RTTN: variants seen among roughly 807,000 people sequenced by gnomAD.
RTTN encodes the protein rotatin.
In RTTN, 182 loss-of-function variants were observed where a neutral mutation model predicts 269.2. The ratio of observed to expected loss-of-function variants is 0.68; its 90% CI spans 0.60 to 0.76. The LOEUF (loss-of-function observed/expected upper bound fraction) is 0.76. Ranked by LOEUF, RTTN falls within the 30% of genes least tolerant of loss-of-function variation. The pLI, the probability that RTTN is intolerant of heterozygous loss-of-function variation, is 0.00. For synonymous variants in RTTN, 1,006 were observed against 963.5 expected, an observed-to-expected ratio of 1.04 and a Z score of -0.82; for missense variants, 2,545 against 2,608.6, an observed-to-expected ratio of 0.98 and a Z score of 0.53.
At chr18:70,016,541 A>G (rs969251835) in intron 46 of RTTN, among the ~76,000 whole-genome samples, 1 of 152,118 alleles carries the variant, frequency 6.6e-6, no homozygotes, top group African/African-American at 2.4e-5. Context: ...TTTCACTAGA[A>G]CACATGTCTT....
chr18:70,022,581 C>G (rs1568253051), intron 44 of RTTN, among the ~76,000 whole-genome samples: 1 of 152,194 alleles, frequency 6.6e-6, no homozygotes, highest in Non-Finnish European at 1.5e-5. Flanking sequence ...TTTGGAAAAG[C>G]TGTCTCCTCT....
chr18:70,127,893 T>C lies in RTTN; in HGVS notation c.3144-152A>G, dbSNP rs966047776. On this transcript the variant is annotated intron_variant, in intron 24 of 48. Transcript: ENST00000640769. ...TACAGCCAGAAGAAAAACTGATACA[T>C]ATCTGTCAATATTAGGATTTTACAT... is the stretch of plus-strand genomic sequence containing the variant. 4.3e-6 allele frequency: 3 copies of C among 691,450 alleles called. No homozygotes were observed. In the African/African-American group the frequency reaches 5.4e-5, roughly 12 times the overall value. 42.8% of individuals were successfully genotyped at this position (691,450 alleles called of 1,614,324 possible). A position where few individuals can be genotyped will look rare whatever the true frequency, so the allele number is the denominator to read the frequency against.
chr18:70,033,135 G>A (rs1385029674), intron 40 of RTTN, among the ~76,000 whole-genome samples: 11 of 152,198 alleles, frequency 7.2e-5, no homozygotes, highest in Admixed American at 7.2e-4. Flanking sequence ...GTTTAAAAGT[G>A]TGTGGCATCT....
intron 14 of RTTN, among the ~76,000 whole-genome samples, chr18:70,153,637 C>T (rs1252266891): frequency 6.6e-6 from 1 of 152,208 alleles, no homozygotes; most frequent in Non-Finnish European, 1.5e-5. Flanking sequence ...CACGCTCCTA[C>T]ATTTAGGTAG....
chr18:70,142,217 G>C, intron 19 of RTTN, 71 bp downstream of exon 19: 1 of 999,846 alleles, frequency 1.0e-6, no homozygotes, highest in Non-Finnish European at 1.6e-6. Flanking sequence ...GCCAACTCCT[G>C]CCAGTACCAT....
intron 40 of RTTN, among the ~76,000 whole-genome samples, chr18:70,044,202 G>A (rs907071418): frequency 6.6e-6 from 1 of 152,086 alleles, no homozygotes; most frequent in South Asian, 2.1e-4. Context: ...AAATATATAA[G>A]CCTTCCTTTC....
rs140889407 is a variant in RTTN, at chr18:70,020,720, C to G, written c.6048G>C (p.Lys2016Asn). 3.1e-5 allele frequency: 50 copies of G among 1,613,982 alleles called. No homozygotes were observed. The highest frequency in any genetic ancestry group is 4.2e-5 in the Non-Finnish European group (49 of 1,179,964). Residue 2016 changes from lysine (K) to asparagine (N), a missense_variant, in exon 45 of 49, where the codon AAG (lysine) becomes AAC (asparagine). Lys to Asn is a moderately conservative substitution (Grantham distance 94). Coordinates refer to ENST00000640769, the MANE Select transcript of RTTN (RefSeq NM_173630.4). ...VSNSLMLCIL[K>N]LASQMPLENT... ...TCTCCAGTGGCATCTGGGAAGCCAACTTTAGGATACACAGCATCAGAGAGT... is the reference window on the plus strand; with the variant it reads ...TCTCCAGTGGCATCTGGGAAGCCAAGTTTAGGATACACAGCATCAGAGAGT...
rs2061314680 is a variant in RTTN at position 70,176,827 on chromosome 18, C to T, written c.1324G>A (p.Val442Met). ...GIDMKEKLLL[V>M]LGALGETMCY... ...ATGGTTTCTCCAAGGGCTCCCAACA[C>T]CAGGAGTAGTTTCTCCTTCTGAAAA... is the stretch of plus-strand genomic sequence containing the variant. The change falls in exon 11 of 49, where the codon GTG (valine) becomes ATG (methionine). Residue 442 changes from valine (V) to methionine (M), a missense_variant. Val to Met is a conservative substitution (Grantham distance 21). Coordinates refer to ENST00000640769, the MANE Select transcript of RTTN (RefSeq NM_173630.4). 1.9e-6 allele frequency: 3 copies of T among 1,612,972 alleles called. No individual in the cohort carries two copies. Among genetic ancestry groups the T allele is most frequent in the African/African-American group, 2.7e-5 (2 of 74,892 alleles).
intron 25 of RTTN, among the ~76,000 whole-genome samples, chr18:70,125,150 A>G (rs968732772): frequency 6.6e-6 from 1 of 152,076 alleles, no homozygotes; most frequent in Non-Finnish European, 1.5e-5. Flanking sequence ...AAGCCACAGT[A>G]CCGTAAGTAA....
chr18:70,049,528 G>A (rs1009200349), intron 39 of RTTN, among the ~76,000 whole-genome samples: 30 of 151,750 alleles, frequency 2.0e-4, no homozygotes, highest in Admixed American at 2.0e-4. Flanking sequence ...TCTTACTATC[G>A]CTTTGGTTAA....
chr18:70,066,380 C>T (rs182432084), intron 34 of RTTN, among the ~76,000 whole-genome samples: 29 of 152,284 alleles, frequency 1.9e-4, no homozygotes, highest in Admixed American at 1.2e-3. Context: ...TACCTCACCT[C>T]CTATCAAGGA....
At chr18:70,193,577 G>C (rs908740697) in intron 7 of RTTN, 124 bp from the exon 8 acceptor site, 146 of 694,742 alleles carry the variant, frequency 2.1e-4, no homozygotes, top group Admixed American at 7.6e-5. Context: ...CTTCTACAGG[G>C]GTAAAAACAA....
At chr18:70,173,491 CAA>C (rs397974179) in intron 11 of RTTN, among the ~76,000 whole-genome samples, 12 of 48,504 alleles carry the variant, frequency 2.5e-4, no homozygotes, top group African/African-American at 2.1e-4. Flanking sequence ...GACTCCAACT[CAA>C]AAAAAAAAAA....
chr18:70,176,182 T>G (rs1599919028), intron 11 of RTTN, among the ~76,000 whole-genome samples: 1 of 148,814 alleles, frequency 6.7e-6, no homozygotes, highest in Non-Finnish European at 1.5e-5. Context: ...TGTATATGTA[T>G]ACGTAGATGT....
chr18:70,041,955 A>G (rs1568284570), intron 40 of RTTN, among the ~76,000 whole-genome samples: 1 of 152,106 alleles, frequency 6.6e-6, no homozygotes, highest in Non-Finnish European at 1.5e-5. Context: ...TTGGACAGCA[A>G]TTGACAAGTT....
At chr18:70,036,025 T>C (rs2057162386) in intron 40 of RTTN, among the ~76,000 whole-genome samples, 1 of 152,128 alleles carries the variant, frequency 6.6e-6, no homozygotes, top group Non-Finnish European at 1.5e-5. Flanking sequence ...CCAGTCAGAA[T>C]GGCTACTAAG....
At chr18:70,070,996 CT>C (rs2058280108) in intron 34 of RTTN, among the ~76,000 whole-genome samples, 1 of 152,190 alleles carries the variant, frequency 6.6e-6, no homozygotes, top group South Asian at 2.1e-4. Context: ...TTCATTTCAT[CT>C]TTCCCTCTAA....
At chr18:70,111,183 C>T (rs2059455525) in intron 27 of RTTN, among the ~76,000 whole-genome samples, 1 of 152,232 alleles carries the variant, frequency 6.6e-6, no homozygotes, top group Non-Finnish European at 1.5e-5. Context: ...GAGCAGTGGA[C>T]CTCCCAGCAC....
intron 27 of RTTN, among the ~76,000 whole-genome samples, chr18:70,110,006 G>T (rs1260045137): frequency 3.3e-5 from 5 of 151,992 alleles, no homozygotes; most frequent in Admixed American, 2.6e-4. Flanking sequence ...ATTGCTTGCG[G>T]CCAGCTTGAG....
Sources: allele counts gnomAD v4.1 joint callset (sites outside exome capture counted in the v4.1 genomes callset), GRCh38; gene constraint gnomAD v4.1.1; transcripts MANE v1.5; gene names NCBI Gene and HGNC (gene_info 2026-07-23, HGNC 2026-07-21).